The following KCNAB2 variants were observed in gnomAD, a reference collection of about 807,000 sequenced individuals.
KCNAB2 encodes the protein voltage-gated potassium channel subunit beta-2.
A neutral mutation model predicts 63.6 loss-of-function variants in KCNAB2; 29 were observed. The observed-to-expected ratio is 0.46, with a 90% confidence interval of 0.34 to 0.62. The LOEUF is 0.62. Ranked by LOEUF, KCNAB2 falls within the 20% of genes least tolerant of loss-of-function variation. KCNAB2 has a pLI of 0.01. For missense variants in KCNAB2, 359 were observed against 563.9 expected, an observed-to-expected ratio of 0.64 and a Z score of 3.68; for synonymous variants, 222 against 224.2, an observed-to-expected ratio of 0.99 and a Z score of 0.09.
intron 1 of KCNAB2, chr1:5,992,852 C>G (rs1363065276): frequency 6.6e-6 from 1 of 152,164 alleles, no homozygotes; most frequent in Non-Finnish European, 1.5e-5. Context: ...ACGGCGGCGG[C>G]GGGTATCCGC....
rs1435385410 is a variant in KCNAB2, at chr1:6,095,761, G to A, written c.948+137G>A. 26 of 786,144 alleles carry A rather than the reference G, an allele frequency of 3.3e-5. No individual in the cohort carries two copies. The Admixed American group carries it at 5.0e-4, about 15-fold the overall frequency. 48.7% of individuals were successfully genotyped at this position (786,144 alleles called of 1,614,324 possible). On this transcript the variant is annotated intron_variant, in intron 13 of 15. Transcript: ENST00000378083. Reference sequence around the variant, plus strand: ...GTTCCCACCTCGGTCTGCTGGGGGCGGGCTCCTTGGCGTGAGAACATGGAG... The same window carrying A: ...GTTCCCACCTCGGTCTGCTGGGGGCAGGCTCCTTGGCGTGAGAACATGGAG...
At position 6,095,417 on chromosome 1, in the gene KCNAB2, A is replaced by G; in HGVS notation, c.827A>G (p.Gln276Arg). Reference protein sequence around the residue: ...HMFQREKVEVQLPELFHKIGV... With the variant: ...HMFQREKVEVRLPELFHKIGV... ...TTCCAGCGTGAGAAAGTGGAGGTGCAGCTGCCGGAGCTGTTCCACAAGATA... is the reference window on the plus strand; with the variant it reads ...TTCCAGCGTGAGAAAGTGGAGGTGCGGCTGCCGGAGCTGTTCCACAAGATA... Residue 276 changes from glutamine (Q) to arginine (R), a missense_variant, in exon 12 of 16, where the codon CAG (glutamine) becomes CGG (arginine). By Grantham distance (43) the Gln-to-Arg change is conservative. Coordinates refer to ENST00000378083, the MANE Select transcript of KCNAB2 (RefSeq NM_001199862.2). The G allele has an allele frequency of 6.2e-7, 1 of 1,613,002 alleles. No individual in the cohort carries two copies. The highest frequency in any genetic ancestry group is 8.5e-7 in the Non-Finnish European group (1 of 1,180,030).
intron 1 of KCNAB2, among the ~76,000 whole-genome samples, chr1:6,014,499 C>G (rs1423633584): frequency 6.6e-6 from 1 of 152,212 alleles, no homozygotes; most frequent in Non-Finnish European, 1.5e-5. Context: ...ATGAGCAACT[C>G]AAATCAAAAA....
chr1:6,077,347 C>T (rs557125556), intron 4 of KCNAB2, among the ~76,000 whole-genome samples: 9 of 152,250 alleles, frequency 5.9e-5, no homozygotes, highest in Non-Finnish European at 4.4e-5. Context: ...AAATCAGAGC[C>T]GTCAAAACAT....
chr1:5,993,595 A>G (rs11120990), intron 1 of KCNAB2, among the ~76,000 whole-genome samples: 27,776 of 152,028 alleles, frequency 0.18, 2,733 homozygotes, highest in African/African-American at 0.26. Flanking sequence ...GTACCTGCCC[A>G]CCTTCCCACC....
In KCNAB2 at chr1:6,100,318, G is replaced by A. The variant is rs1354220167; in HGVS notation, c.*1744G>A. On this transcript the variant is annotated 3_prime_UTR_variant, in exon 16 of 16. Coordinates refer to ENST00000378083, the MANE Select transcript of KCNAB2 (RefSeq NM_001199862.2). ...CCCTCCTCATAGACCAAGTCCCGGG[G>A]GTCTCCACTCAGTCCTGCTGCCTGC... 2.8e-6 allele frequency: 1 copy of A among 358,002 alleles called. No individual in the cohort carries two copies. Among genetic ancestry groups the A allele is most frequent in the African/African-American group, 2.1e-5 (1 of 48,138 alleles). The allele number at this position is 358,002 out of a possible 1,614,324, so 22.2% of individuals were successfully genotyped here. A position where few individuals can be genotyped will look rare whatever the true frequency, so the allele number is the denominator to read the frequency against.
At chr1:6,040,400 T>A in intron 1 of KCNAB2, 1 of 643,204 alleles carries the variant, frequency 1.6e-6, no homozygotes, top group Non-Finnish European at 2.9e-6. Context: ...GGCTCCCCGA[T>A]GCCCTGAACC....
Position 6,028,747 on chromosome 1 carries a change from C to T in KCNAB2, c.-52-11770C>T, listed in dbSNP as rs1047229763. ...GTTGCTCCACTGACCTCCAGGATGG[C>T]CTCCAGGGACCCCGCCTCCTGGTGG... On this transcript the variant is annotated intron_variant, in intron 1 of 16. Coordinates refer to the KCNAB2 transcript ENST00000341524. The surrounding 1 kb of genome is among the most constrained non-coding windows in gnomAD (Gnocchi z 4.0). Among the ~76,000 whole-genome samples, 2 of 152,218 alleles carry T rather than the reference C, an allele frequency of 1.3e-5. No homozygotes were observed. Among genetic ancestry groups the T allele is most frequent in the African/African-American group, 4.8e-5 (2 of 41,460 alleles).
intron 2 of KCNAB2, among the ~76,000 whole-genome samples, chr1:6,053,706 A>G (rs562703702): frequency 1.3e-5 from 2 of 152,238 alleles, no homozygotes; most frequent in South Asian, 2.1e-4. Flanking sequence ...GCTCTCTCCT[A>G]TGTGGACAGG....
upstream of KCNAB2, chr1:6,045,850 C>G (rs575233307): frequency 2.0e-4 from 197 of 970,590 alleles, no homozygotes; most frequent in South Asian, 9.5e-4. This position sits in a 1 kb window ranked among gnomAD's most constrained non-coding sequence, Gnocchi z 4.8. Context: ...CAGGACCTCC[C>G]CCTCACCTTG....
Position 6,026,657 on chromosome 1 carries a change from G to A in KCNAB2, c.-52-13860G>A, listed in dbSNP as rs1393723819. 2.0e-5 allele frequency among the ~76,000 whole-genome samples: 3 copies of A among 152,338 alleles called. No individual in the cohort carries two copies. In the East Asian group the frequency reaches 5.8e-4, roughly 29 times the overall value. ...AAGACACCCTGCCCAACGCAGCCCG[G>A]CCCTTCACTGCTTCCTGTTGCTGCT... On this transcript the variant is annotated intron_variant, in intron 1 of 16. Transcript: ENST00000341524.
At chr1:6,088,584 T>C (rs1664900407) in intron 7 of KCNAB2, among the ~76,000 whole-genome samples, 1 of 151,798 alleles carries the variant, frequency 6.6e-6, no homozygotes, top group South Asian at 2.1e-4. Context: ...GGTCTCACTA[T>C]GTTGCCCAGG....
In KCNAB2 at chr1:6,058,975, G is replaced by A. The variant is rs79839437; in HGVS notation, c.218+7221G>A. Among the ~76,000 whole-genome samples the A allele has an allele frequency of 2.5e-3, 381 of 152,210 alleles. 12 individuals are homozygous for A. The East Asian group carries it at 0.058, about 23-fold the overall frequency. On this transcript the variant is annotated intron_variant, in intron 2 of 15. Transcript: ENST00000378083. ...CATCCCAGGCCTGGAAACAGCATCC[G>A]TCTGCAGCCCCAGCCTCTCCAGCCC...
At chr1:6,004,286 CCT>C (rs1657431162) in intron 1 of KCNAB2, among the ~76,000 whole-genome samples, 1 of 151,296 alleles carries the variant, frequency 6.6e-6, no homozygotes, top group African/African-American at 2.4e-5. Context: ...GTCTGAAACT[CCT>C]GGGCTCAAGT....
At chr1:6,032,988 C>G (rs1248160250), upstream of KCNAB2, among the ~76,000 whole-genome samples, 3 of 152,180 alleles carry the variant, frequency 2.0e-5, no homozygotes, top group East Asian at 5.8e-4. Flanking sequence ...GAATGGATCC[C>G]AGATTTTTGT....
chr1:6,040,643 C>T, exon 2 of KCNAB2: 2 of 1,610,672 alleles, frequency 1.2e-6, no homozygotes, highest in Non-Finnish European at 1.7e-6. Flanking sequence ...GGATGATCTA[C>T]AGGTGACCCC....
chr1:6,015,038 T>TG (rs1238862853), intron 1 of KCNAB2, among the ~76,000 whole-genome samples: 4 of 142,896 alleles, frequency 2.8e-5, no homozygotes, highest in Non-Finnish European at 6.1e-5. Flanking sequence ...TTTTTTTTTT[T>TG]TTTTGTTTTT....
chr1:6,054,323 A>T (rs1192073287), intron 2 of KCNAB2, among the ~76,000 whole-genome samples: 1 of 152,100 alleles, frequency 6.6e-6, no homozygotes, highest in Admixed American at 6.5e-5. Flanking sequence ...CATACAAAGC[A>T]AGGAAAGAAT....
chr1:6,011,895 T>C (rs1484523135), intron 1 of KCNAB2, among the ~76,000 whole-genome samples: 2 of 152,198 alleles, frequency 1.3e-5, no homozygotes, highest in Non-Finnish European at 2.9e-5. Context: ...CCCGGAAGGT[T>C]GCTAGGGGAA....
Sources: allele counts gnomAD v4.1 joint callset (sites outside exome capture counted in the v4.1 genomes callset), GRCh38; gene constraint gnomAD v4.1.1; non-coding constraint Gnocchi (gnomAD v3.1); transcripts MANE v1.5; gene names NCBI Gene and HGNC (gene_info 2026-07-23, HGNC 2026-07-21).